PCDHA3: variants seen among roughly 807,000 people sequenced by gnomAD.
PCDHA3 encodes the protein protocadherin alpha-3.
In PCDHA3, 41 loss-of-function variants were observed where a neutral mutation model predicts 62.2. The observed-to-expected ratio is 0.66, with a 90% CI of 0.51 to 0.86. PCDHA3 has a LOEUF of 0.86. Among genes scored for constraint, PCDHA3 ranks in the 40% least tolerant of loss-of-function variants. The pLI is 0.00. For synonymous variants in PCDHA3, 640 were observed against 555.4 expected, an observed-to-expected ratio of 1.15 and a Z score of -2.14; for missense variants, 1,304 against 1,241.2, an observed-to-expected ratio of 1.05 and a Z score of -0.76.
At chr5:140,940,822 A>G (rs1446773813) in intron 1 of PCDHA3, among the ~76,000 whole-genome samples, 9 of 152,200 alleles carry the variant, frequency 5.9e-5, no homozygotes, top group Admixed American at 3.9e-4. Context: ...GAGATCTTGG[A>G]TGGAAATACC....
chr5:140,845,916 T>G (rs1288140729), intron 1 of PCDHA3, among the ~76,000 whole-genome samples: 2 of 149,722 alleles, frequency 1.3e-5, no homozygotes, highest in African/African-American at 4.9e-5. Context: ...ATTAATCTTA[T>G]TTTTGTGTAA....
At chr5:140,972,275 G>A (rs548735122) in intron 1 of PCDHA3, among the ~76,000 whole-genome samples, 1 of 150,974 alleles carries the variant, frequency 6.6e-6, no homozygotes, top group African/African-American at 2.4e-5. Flanking sequence ...GAGTAGCTTG[G>A]ACCATAGATG....
chr5:140,817,199 A>T (rs1766084808), intron 1 of PCDHA3: 2 of 152,306 alleles, frequency 1.3e-5, no homozygotes, highest in African/African-American at 4.8e-5. Flanking sequence ...AGAACACTGA[A>T]TGCATGCTTT....
intron 1 of PCDHA3, among the ~76,000 whole-genome samples, chr5:140,892,867 A>G (rs1452797610): frequency 1.3e-5 from 2 of 152,150 alleles, no homozygotes; most frequent in African/African-American, 4.8e-5. Context: ...CTGTGTAGCT[A>G]TAATTTCGTA....
chr5:140,801,855 C>T lies in PCDHA3; in HGVS notation c.658C>T (p.Pro220Ser), dbSNP rs782570230. Residue 220 changes from proline to serine, a missense_variant, in exon 1 of 4, where the codon CCA (proline) becomes TCA (serine). Transcript: ENST00000522353. ...AATAACAGCAATTGATGGTGGGAAA[C>T]CAGAGCTCACTGGCACGACTCAACT... ...LLITAIDGGK[P>S]ELTGTTQLKI... 3.7e-6 allele frequency: 6 copies of T among 1,613,936 alleles called. No homozygotes were observed. Among genetic ancestry groups the T allele is most frequent in the Non-Finnish European group, 5.1e-6 (6 of 1,180,048 alleles).
intron 1 of PCDHA3, chr5:140,854,630 AG>A (rs1201731604): frequency 6.7e-6 from 1 of 150,240 alleles, no homozygotes; most frequent in African/African-American, 2.4e-5. Flanking sequence ...TCTTTAGAAA[AG>A]TCAAAACATC....
chr5:140,840,076 AG>A (rs1237018170), intron 1 of PCDHA3, among the ~76,000 whole-genome samples: 2 of 152,044 alleles, frequency 1.3e-5, no homozygotes, highest in Non-Finnish European at 2.9e-5. Context: ...GTCAATAGAA[AG>A]ATAAACTTGT....
intron 1 of PCDHA3, among the ~76,000 whole-genome samples, chr5:140,827,665 TA>T (rs1400072267): frequency 9.8e-5 from 15 of 152,360 alleles, no homozygotes; most frequent in African/African-American, 3.4e-4. Context: ...GCAGTTCCGT[TA>T]ACACTTAAAT....
Position 140,803,003 on chromosome 5 carries a change from C to T in PCDHA3, c.1806C>T (p.Gly602=). 1 of 1,614,064 alleles carries T rather than the reference C, an allele frequency of 6.2e-7. No homozygotes were observed. The highest frequency in any genetic ancestry group is 8.5e-7 in the Non-Finnish European group (1 of 1,179,942). ...TGCGCGCAGTGGATGCAGACTCAGG[C>T]TACAACGCGTGGCTTTCGTATGAGC... ...AKVRAVDADS[G]YNAWLSYELQ... is the part of the protein sequence containing the mutation. The change falls in exon 1 of 4, where the codon GGC becomes GGT. Residue 602 remains glycine, a synonymous_variant. Transcript: ENST00000522353.
At position 140,850,728 on chromosome 5, in the gene PCDHA3, G is replaced by A. The variant is rs2150496245; in HGVS notation, c.2394+47137G>A. The A allele has an allele frequency of 8.1e-6, 13 of 1,598,072 alleles. 2 individuals are homozygous for A. Among genetic ancestry groups the A allele is most frequent in the Non-Finnish European group, 1.1e-5 (13 of 1,167,642 alleles). The stretch of plus-strand genomic sequence containing the variant: ...GCCGACGCTGGTGTGTTCTAGCGCG[G>A]TGGGGAGTTGGTCGTACTCGCAGCA... On this transcript the variant is annotated intron_variant, in intron 1 of 3. Coordinates refer to ENST00000522353, the MANE Select transcript of PCDHA3 (RefSeq NM_018906.3).
At chr5:140,809,014 C>A (rs1562221741) in intron 1 of PCDHA3, 11 of 1,613,716 alleles carry the variant, frequency 6.8e-6, no homozygotes, top group Non-Finnish European at 9.3e-6. Context: ...GGCTTTCGTA[C>A]GAGCTGCAGC....
At chr5:140,808,651 G>T (rs144041965) in intron 1 of PCDHA3, 2 of 1,613,310 alleles carry the variant, frequency 1.2e-6, no homozygotes, top group African/African-American at 1.3e-5. Flanking sequence ...AGGAGAACGC[G>T]CTGGTGTCCT....
At chr5:140,827,617 C>G (rs2150148430) in intron 1 of PCDHA3, among the ~76,000 whole-genome samples, 1 of 152,176 alleles carries the variant, frequency 6.6e-6, no homozygotes, top group Non-Finnish European at 1.5e-5. Context: ...TTCTTTTCTA[C>G]CAAGAGTGTA....
chr5:141,009,563 C>T (rs1588242901), intron 3 of PCDHA3, 64 bp from the exon 4 acceptor site: 2 of 1,571,920 alleles, frequency 1.3e-6, no homozygotes, highest in Non-Finnish European at 1.7e-6. Flanking sequence ...TGTACTCTAC[C>T]AGCAGTGTGG....
intron 1 of PCDHA3, chr5:140,884,288 C>T: frequency 6.2e-7 from 1 of 1,613,630 alleles, no homozygotes; most frequent in Non-Finnish European, 8.5e-7. Flanking sequence ...GGAGAGCGGC[C>T]AAGCGCCACA....
At chr5:140,857,736 C>T in intron 1 of PCDHA3, 2 of 1,597,364 alleles carry the variant, frequency 1.3e-6, no homozygotes, top group African/African-American at 1.3e-5. Flanking sequence ...AACGCTCCCG[C>T]GCTGCTGGCG....
At chr5:140,928,998 C>T (rs1448389331) in intron 1 of PCDHA3, 5 of 1,613,784 alleles carry the variant, frequency 3.1e-6, no homozygotes, top group Non-Finnish European at 4.2e-6. Flanking sequence ...TACTTTTCTT[C>T]GTGTGTACCA....
chr5:140,808,762 C>T (rs150405058), intron 1 of PCDHA3: 8 of 1,612,224 alleles, frequency 5.0e-6, no homozygotes, highest in African/African-American at 1.3e-5. Flanking sequence ...CGCTGGACCA[C>T]GAGGAGCTAG....
intron 1 of PCDHA3, among the ~76,000 whole-genome samples, chr5:140,950,594 G>C (rs1469063256): frequency 6.6e-6 from 1 of 152,040 alleles, no homozygotes; most frequent in African/African-American, 2.4e-5. Flanking sequence ...TGGTTTAGAA[G>C]TTTGACTATG....
Sources: gnomAD v4.1 joint callset for allele counts (sites outside exome capture counted in the v4.1 genomes callset) on GRCh38, gnomAD v4.1.1 for gene constraint, MANE v1.5 for transcripts, NCBI Gene and HGNC (gene_info 2026-07-23, HGNC 2026-07-21) for gene names.